PTPRD: variants seen among roughly 807,000 people sequenced by gnomAD.
The protein encoded by PTPRD is protein tyrosine phosphatase receptor type D.
In PTPRD, 34 loss-of-function variants were observed where a neutral mutation model predicts 214.5. That is an observed-to-expected ratio of 0.16 (90% CI 0.12 to 0.21). The LOEUF is 0.21. Ranked by LOEUF, PTPRD falls within the 10% of genes least tolerant of loss-of-function variation. PTPRD has a pLI of 1.00. For synonymous variants in PTPRD, 1,128 were observed against 845.7 expected, an observed-to-expected ratio of 1.33 and a Z score of -5.79; for missense variants, 2,545 against 2,398.7, an observed-to-expected ratio of 1.06 and a Z score of -1.27.
rs932081658 is a variant in PTPRD, at chr9:8,986,737, G to A, written c.-104+31960C>T. ...AGCCTGATTAACTAGATTGGGAAGT[G>A]CCAGATACAAATGTGTAAGCATTTT... On this transcript the variant is annotated intron_variant, in intron 11 of 45. Transcript: ENST00000381196. Among the ~76,000 whole-genome samples the A allele has an allele frequency of 1.4e-4, 22 of 152,012 alleles. 1 individual carries two copies. The highest frequency in any genetic ancestry group is 4.8e-4 in the African/African-American group (20 of 41,418).
intron 7 of PTPRD, among the ~76,000 whole-genome samples, chr9:9,680,667 T>C (rs1020035757): frequency 3.3e-5 from 5 of 151,768 alleles, no homozygotes; most frequent in Non-Finnish European, 7.4e-5. Context: ...GAGGTGTGAT[T>C]GCCTAAGTAC....
chr9:9,186,591 A>C (rs1235505647), intron 9 of PTPRD, among the ~76,000 whole-genome samples: 2 of 151,316 alleles, frequency 1.3e-5, no homozygotes, highest in African/African-American at 2.4e-5. Flanking sequence ...AACCTGGACA[A>C]CAAAACAAGA....
chr9:10,255,412 A>G (rs368823545), intron 3 of PTPRD, among the ~76,000 whole-genome samples: 7 of 152,354 alleles, frequency 4.6e-5, no homozygotes, highest in African/African-American at 1.7e-4. Context: ...TTGTGCATCT[A>G]AACATATTTA....
chr9:9,387,014 A>T (rs917075259), intron 9 of PTPRD, among the ~76,000 whole-genome samples: 2 of 152,208 alleles, frequency 1.3e-5, no homozygotes, highest in Non-Finnish European at 2.9e-5. Flanking sequence ...AACTTATTTA[A>T]CGCTCAGAGG....
intron 11 of PTPRD, among the ~76,000 whole-genome samples, chr9:9,000,254 A>T (rs16928738): frequency 6.6e-6 from 1 of 151,960 alleles, no homozygotes; most frequent in South Asian, 2.1e-4. Context: ...CCATCCAAGT[A>T]CCCATAAAGG....
At chr9:8,435,805 A>C (rs1213907649) in intron 35 of PTPRD, among the ~76,000 whole-genome samples, 5 of 152,134 alleles carry the variant, frequency 3.3e-5, no homozygotes, top group Non-Finnish European at 5.9e-5. Flanking sequence ...AGGATTCTGG[A>C]ATTTTAAGAT....
chr9:10,574,651 G>C (rs940057516), intron 2 of PTPRD, among the ~76,000 whole-genome samples: 1 of 151,868 alleles, frequency 6.6e-6, no homozygotes, highest in Non-Finnish European at 1.5e-5. Flanking sequence ...AGTTTTCATA[G>C]CAAATTTGAG....
At chr9:10,131,741 G>C (rs1394547454) in intron 3 of PTPRD, among the ~76,000 whole-genome samples, 1 of 152,050 alleles carries the variant, frequency 6.6e-6, no homozygotes, top group Non-Finnish European at 1.5e-5. Flanking sequence ...CACAGTAATG[G>C]TAGAAAGTCA....
At chr9:10,332,265 G>A (rs372936762) in intron 3 of PTPRD, among the ~76,000 whole-genome samples, 1 of 151,818 alleles carries the variant, frequency 6.6e-6, no homozygotes, top group Non-Finnish European at 1.5e-5. Flanking sequence ...GATGTCAGGA[G>A]TCTTAAAATG....
At chr9:8,937,254 C>A (rs1044098806) in intron 11 of PTPRD, among the ~76,000 whole-genome samples, 1 of 152,120 alleles carries the variant, frequency 6.6e-6, no homozygotes, top group South Asian at 2.1e-4. Context: ...ATAGATAAGA[C>A]AGTCAGGAAT....
chr9:10,000,112 C>G (rs568295224), intron 4 of PTPRD, among the ~76,000 whole-genome samples: 1 of 152,052 alleles, frequency 6.6e-6, no homozygotes, highest in African/African-American at 2.4e-5. Context: ...ATTGCCTAAG[C>G]CTAAAGTTAT....
At chr9:9,079,268 T>C (rs1378832498) in intron 10 of PTPRD, among the ~76,000 whole-genome samples, 1 of 151,962 alleles carries the variant, frequency 6.6e-6, no homozygotes, top group Non-Finnish European at 1.5e-5. Context: ...TTAGATCAAA[T>C]TTTTTTTAGC....
At chr9:8,691,548 C>T (rs1216337693) in intron 12 of PTPRD, among the ~76,000 whole-genome samples, 1 of 152,028 alleles carries the variant, frequency 6.6e-6, no homozygotes, top group East Asian at 1.9e-4. Context: ...CTTGAAATTT[C>T]ACAAGTCTTT....
chr9:10,492,123 T>C (rs1186558424), intron 2 of PTPRD, among the ~76,000 whole-genome samples: 1 of 152,178 alleles, frequency 6.6e-6, no homozygotes, highest in Non-Finnish European at 1.5e-5. Flanking sequence ...TTGATGGGCA[T>C]TTGGGTTGAT....
At chr9:9,784,946 G>C (rs78402801) in intron 5 of PTPRD, among the ~76,000 whole-genome samples, 3 of 148,758 alleles carry the variant, frequency 2.0e-5, no homozygotes, top group African/African-American at 7.4e-5. Context: ...GGTTTGAGCA[G>C]GGTTTGCTAT....
At chr9:9,795,887 A>AC (rs2098999196) in intron 5 of PTPRD, among the ~76,000 whole-genome samples, 1 of 152,186 alleles carries the variant, frequency 6.6e-6, no homozygotes, top group Admixed American at 6.5e-5. Context: ...CAAATATACT[A>AC]GAAAAAATAA....
intron 9 of PTPRD, among the ~76,000 whole-genome samples, chr9:9,338,146 T>A (rs1332796): frequency 0.18 from 27,644 of 152,194 alleles, 2,789 homozygotes; most frequent in East Asian, 0.35. Flanking sequence ...ATTTCGTGTT[T>A]ATTTATTGTT....
At chr9:10,433,401 A>G (rs1311507344) in intron 2 of PTPRD, among the ~76,000 whole-genome samples, 1 of 151,990 alleles carries the variant, frequency 6.6e-6, no homozygotes, top group East Asian at 1.9e-4. Flanking sequence ...TACTAGTTTC[A>G]GGACATAGTT....
At chr9:10,462,365 C>T (rs78424729) in intron 2 of PTPRD, among the ~76,000 whole-genome samples, 7,612 of 138,296 alleles carry the variant, frequency 0.055, 527 homozygotes, top group African/African-American at 0.17. Flanking sequence ...ATCTCAGTGA[C>T]TTTTAAGAAA....
Sources: gnomAD v4.1 joint callset for allele counts (sites outside exome capture counted in the v4.1 genomes callset) on GRCh38, gnomAD v4.1.1 for gene constraint, MANE v1.5 for transcripts, NCBI Gene and HGNC (gene_info 2026-07-23, HGNC 2026-07-21) for gene names.